The following DPH6 variants were observed in gnomAD, a reference collection of about 807,000 sequenced individuals.
The protein encoded by DPH6 is diphthine--ammonia ligase.
In DPH6, 33 loss-of-function variants were observed where a neutral mutation model predicts 38.2. That is an observed-to-expected ratio of 0.86 (90% confidence interval 0.65 to 1.15). The LOEUF is 1.15. DPH6 is among the 50% of genes most tolerant of loss of function. DPH6 has a pLI of 0.00. For synonymous variants in DPH6, 108 were observed against 103.0 expected (o/e 1.05, Z -0.30); for missense variants, 325 against 320.0 (o/e 1.02, Z -0.12).
At chr15:35,498,279 A>G (rs1427649375) in intron 3 of DPH6, among the ~76,000 whole-genome samples, 1 of 152,160 alleles carries the variant, frequency 6.6e-6, no homozygotes, top group Non-Finnish European at 1.5e-5. Flanking sequence ...CAACAGTATA[A>G]TATTTCAGGT....
chr15:35,273,338 G>C (rs1194281975), intron 3 of DPH6, among the ~76,000 whole-genome samples: 3 of 152,020 alleles, frequency 2.0e-5, no homozygotes, highest in African/African-American at 4.8e-5. Context: ...TTCCCCAAAA[G>C]TCCATTGTAT....
At chr15:35,205,389 C>T in the DPH6 span, among the ~76,000 whole-genome samples, 2 of 151,988 alleles carry the variant, frequency 1.3e-5, no homozygotes, top group Non-Finnish European at 2.9e-5. Flanking sequence ...CTAACTCATA[C>T]AGCAGAGTCT....
chr15:35,377,497 C>T (rs538888625), intron 7 of DPH6, among the ~76,000 whole-genome samples: 21 of 152,050 alleles, frequency 1.4e-4, no homozygotes, highest in Non-Finnish European at 2.9e-4. Flanking sequence ...ATTAACACTA[C>T]CTTAAGATTT....
intron 3 of DPH6, among the ~76,000 whole-genome samples, chr15:35,249,074 T>C (rs1001281564): frequency 6.6e-6 from 1 of 152,246 alleles, no homozygotes; most frequent in African/African-American, 2.4e-5. Flanking sequence ...ACCTTCGGAA[T>C]GTTTTATAAT....
intron 3 of DPH6, among the ~76,000 whole-genome samples, chr15:35,471,618 C>T (rs867102497): frequency 2.0e-5 from 3 of 152,144 alleles, no homozygotes; most frequent in South Asian, 4.2e-4. Context: ...TTTGTTCTTA[C>T]TCTTCGTTCA....
chr15:35,249,058 T>C (rs1340888180), intron 3 of DPH6, among the ~76,000 whole-genome samples: 2 of 152,230 alleles, frequency 1.3e-5, no homozygotes, highest in African/African-American at 4.8e-5. Flanking sequence ...TATTACAGAT[T>C]TCCAGACCTT....
chr15:35,334,969 A>C (rs1046295883), intron 3 of DPH6, among the ~76,000 whole-genome samples: 3 of 152,208 alleles, frequency 2.0e-5, no homozygotes, highest in African/African-American at 7.2e-5. Flanking sequence ...GTCTTTGAGA[A>C]ATTGCCACAC....
intron 3 of DPH6, among the ~76,000 whole-genome samples, chr15:35,362,358 A>G (rs1454240851): frequency 1.3e-5 from 2 of 151,926 alleles, no homozygotes; most frequent in Non-Finnish European, 2.9e-5. Flanking sequence ...TTCTGTCAGC[A>G]CTCCAAGTCA....
intron 3 of DPH6, among the ~76,000 whole-genome samples, chr15:35,363,927 C>T (rs1024290306): frequency 7.2e-5 from 11 of 151,916 alleles, no homozygotes; most frequent in African/African-American, 2.4e-4. Flanking sequence ...TTCTCTAACA[C>T]CCTTAGTTAT....
chr15:35,227,174 C>CTTTTTTTTTT (rs71415001), intron 3 of DPH6, among the ~76,000 whole-genome samples: 2 of 77,080 alleles, frequency 2.6e-5, no homozygotes, highest in African/African-American at 5.0e-5. Flanking sequence ...ATAACATCTT[C>CTTTTTTTTTT]TTTTTTTTTT....
At chr15:35,237,977 G>A (rs1225355716) in intron 3 of DPH6, 51 of 1,446,238 alleles carry the variant, frequency 3.5e-5, no homozygotes, top group Non-Finnish European at 5.0e-5. Context: ...GGTTGATGAT[G>A]AGGAAGATGA....
intron 5 of DPH6, among the ~76,000 whole-genome samples, chr15:35,421,838 G>T (rs1342388465): frequency 6.6e-6 from 1 of 152,074 alleles, no homozygotes; most frequent in Non-Finnish European, 1.5e-5. Context: ...CTTCTGAAAA[G>T]ATCATTCCAG....
At chr15:35,382,796 T>G (rs2140941305) in intron 6 of DPH6, among the ~76,000 whole-genome samples, 1 of 151,834 alleles carries the variant, frequency 6.6e-6, no homozygotes, top group Middle Eastern at 3.4e-3. Flanking sequence ...AAGGTCCAAC[T>G]TCAAGAAAGG....
chr15:35,325,726 A>T (rs78066356), intron 3 of DPH6, among the ~76,000 whole-genome samples: 1 of 152,324 alleles, frequency 6.6e-6, no homozygotes, highest in Non-Finnish European at 1.5e-5. Context: ...GAAAAATAAT[A>T]AACTGTACTG....
chr15:35,329,616 C>T (rs1386066704), downstream of DPH6, among the ~76,000 whole-genome samples: 1 of 152,088 alleles, frequency 6.6e-6, no homozygotes, highest in African/African-American at 2.4e-5. Flanking sequence ...GAGTGAACTG[C>T]TGGTAGAGTT....
At chr15:35,221,179 T>C (rs1222927837) in intron 3 of DPH6, among the ~76,000 whole-genome samples, 2 of 152,240 alleles carry the variant, frequency 1.3e-5, no homozygotes, top group South Asian at 2.1e-4. Flanking sequence ...AGGGTAGGCG[T>C]TGGGCCCCCT....
chr15:35,443,134 G>C (rs1411251204), intron 5 of DPH6, among the ~76,000 whole-genome samples: 2 of 152,122 alleles, frequency 1.3e-5, no homozygotes, highest in Non-Finnish European at 2.9e-5. Flanking sequence ...AAAAATGAGA[G>C]GGGAAATTCA....
chr15:35,205,453 A>G, the DPH6 span, among the ~76,000 whole-genome samples: 1 of 152,048 alleles, frequency 6.6e-6, no homozygotes, highest in Non-Finnish European at 1.5e-5. Flanking sequence ...CTCTTGGCCC[A>G]TTGAACACGA....
At chr15:35,498,973 C>A (rs78383886) in intron 3 of DPH6, among the ~76,000 whole-genome samples, 1 of 150,316 alleles carries the variant, frequency 6.7e-6, no homozygotes, top group African/African-American at 2.5e-5. Flanking sequence ...AAAAGTATCC[C>A]GTTATATATG....
Sources: allele counts gnomAD v4.1 joint callset (sites outside exome capture counted in the v4.1 genomes callset), GRCh38; gene constraint gnomAD v4.1.1; transcripts MANE v1.5; gene names NCBI Gene and HGNC (gene_info 2026-07-23, HGNC 2026-07-21).